Variants in OTOGL observed in about 807,000 individuals in gnomAD.
OTOGL encodes the protein otogelin-like protein.
OTOGL carries 285 observed loss-of-function variants against 318.5 expected under a neutral mutation model. That is an observed-to-expected ratio of 0.89 (90% CI 0.81 to 0.99). The LOEUF (loss-of-function observed/expected upper bound fraction) is 0.99, where lower values mean the gene tolerates loss of function less well. OTOGL is among the 50% of genes least tolerant of loss of function. OTOGL has a pLI of 0.00. For synonymous variants in OTOGL, 987 were observed against 936.5 expected, an observed-to-expected ratio of 1.05 and a Z score of -0.99; for missense variants, 2,899 against 2,845.6, an observed-to-expected ratio of 1.02 and a Z score of -0.43.
At chr12:80,324,236 G>A (rs1597597) in intron 35 of OTOGL, among the ~76,000 whole-genome samples, 69,803 of 152,120 alleles carry the variant, frequency 0.46, 17,544 homozygotes, top group African/African-American at 0.67. Flanking sequence ...GCCAATTAAT[G>A]TTGGTGGTCA....
At chr12:80,366,962 T>TA (rs1890579812) in intron 53 of OTOGL, among the ~76,000 whole-genome samples, 1 of 151,864 alleles carries the variant, frequency 6.6e-6, no homozygotes, top group Non-Finnish European at 1.5e-5. Flanking sequence ...TTATGCCCAT[T>TA]ATATTAGTAT....
Position 80,172,098 on chromosome 12 carries a change from C to T in OTOGL, c.-19-37315C>T, listed in dbSNP as rs968373425. Among the ~76,000 whole-genome samples, 9 of 152,160 alleles carry T rather than the reference C, an allele frequency of 5.9e-5. No individual in the cohort carries two copies. The Middle Eastern group carries it at 0.01, about 173-fold the overall frequency. ...TATTTTCTAATCCAATCTCCCTTTGCAATCTCATCTTTAAAGACTTTCCTT... is the reference window on the plus strand; with the variant it reads ...TATTTTCTAATCCAATCTCCCTTTGTAATCTCATCTTTAAAGACTTTCCTT... On this transcript the variant is annotated intron_variant, in intron 1 of 58. Transcript: ENST00000547103.
intron 1 of OTOGL, among the ~76,000 whole-genome samples, chr12:80,121,634 T>A (rs1035532702): frequency 6.6e-6 from 1 of 152,212 alleles, no homozygotes; most frequent in African/African-American, 2.4e-5. Context: ...GGTTTTCTAA[T>A]TGGCCAAGTA....
intron 38 of OTOGL, among the ~76,000 whole-genome samples, chr12:80,335,717 A>T (rs1390140030): frequency 1.3e-5 from 2 of 152,100 alleles, no homozygotes; most frequent in South Asian, 2.1e-4. Context: ...TTTTCTTCAG[A>T]TGTTTGAATA....
At chr12:80,251,599 C>A in intron 11 of OTOGL, 94 bp from the exon 12 acceptor site, 1 of 861,434 alleles carries the variant, frequency 1.2e-6, no homozygotes, top group Non-Finnish European at 1.8e-6. Context: ...GAGTATTCAT[C>A]ATGCACTCAG....
intron 1 of OTOGL, among the ~76,000 whole-genome samples, chr12:80,124,170 T>G (rs1020993793): frequency 2.6e-5 from 4 of 152,088 alleles, no homozygotes; most frequent in Non-Finnish European, 4.4e-5. Context: ...TATGGTTTTA[T>G]GTCTAACATT....
chr12:80,363,777 T>C (rs916034458), intron 52 of OTOGL, among the ~76,000 whole-genome samples: 2 of 152,156 alleles, frequency 1.3e-5, no homozygotes, highest in Admixed American at 6.5e-5. Flanking sequence ...CAACTTCCAA[T>C]GTAACAAGAA....
Position 80,110,709 on chromosome 12 carries a change from A to C in OTOGL, c.-20+11104A>C, listed in dbSNP as rs187755683. 8.3e-4 allele frequency among the ~76,000 whole-genome samples: 126 copies of C among 152,272 alleles called. 1 individual carries two copies. The highest frequency in any genetic ancestry group is 3.4e-3 in the Middle Eastern group (1 of 294). On this transcript the variant is annotated intron_variant, in intron 1 of 58. Transcript: ENST00000547103. ...GCTATTGTGAATAGTGCTGTGATAAACATACGTGTGCATGTGTCTTTATAG... is the reference window on the plus strand; with the variant it reads ...GCTATTGTGAATAGTGCTGTGATAACCATACGTGTGCATGTGTCTTTATAG...
chr12:80,212,642 A>G (rs893918371), intron 4 of OTOGL, among the ~76,000 whole-genome samples: 1 of 152,210 alleles, frequency 6.6e-6, no homozygotes, highest in Non-Finnish European at 1.5e-5. Flanking sequence ...ATGGTAAAAT[A>G]CAGAATCCTA....
chr12:80,343,509 G>GGTTTTTTTTTTTTTTTTTTTT lies in OTOGL; in HGVS notation c.5265+1347_5265+1348insGTTTTTTTTTTTTTTTTTTTT. 3.7e-3 allele frequency: 134 copies of GGTTTTTTTTTTTTTTTTTTTT among 35,856 alleles called. 47 individuals are homozygous for GGTTTTTTTTTTTTTTTTTTTT. The highest frequency in any genetic ancestry group is 5.2e-3 in the Non-Finnish European group (104 of 19,832). 2.2% of individuals were successfully genotyped at this position (35,856 alleles called of 1,614,324 possible). A position where few individuals can be genotyped will look rare whatever the true frequency, so the allele number is the denominator to read the frequency against. ...TACATTTTTATTATTTTTTATTCTT[G>GGTTTTTTTTTTTTTTTTTTTT]TTTTTTTTTTTTTTTTTTTTTTTTT... On this transcript the variant is annotated intron_variant, in intron 44 of 58. Coordinates refer to ENST00000547103, the MANE Select transcript of OTOGL (RefSeq NM_001378609.3).
intron 11 of OTOGL, among the ~76,000 whole-genome samples, chr12:80,249,709 G>C (rs186655551): frequency 1.5e-4 from 23 of 152,212 alleles, no homozygotes; most frequent in South Asian, 8.3e-4. Context: ...CGAGCTTCCC[G>C]GCTGCTTTGT....
chr12:80,252,562 G>A (rs1193801885), intron 13 of OTOGL, among the ~76,000 whole-genome samples: 2 of 152,146 alleles, frequency 1.3e-5, no homozygotes, highest in Non-Finnish European at 2.9e-5. Flanking sequence ...ATCTAGTACT[G>A]ATGTAGTTTT....
intron 1 of OTOGL, among the ~76,000 whole-genome samples, chr12:80,167,524 A>G (rs899609619): frequency 2.0e-5 from 3 of 152,184 alleles, no homozygotes; most frequent in Non-Finnish European, 4.4e-5. Context: ...AATAAAAGTG[A>G]GATAGATATT....
At chr12:80,216,299 C>T (rs1046965492) in intron 4 of OTOGL, among the ~76,000 whole-genome samples, 4 of 152,192 alleles carry the variant, frequency 2.6e-5, no homozygotes, top group African/African-American at 9.7e-5. Flanking sequence ...TTTTCCCATC[C>T]TTCTTATCTT....
intron 34 of OTOGL, among the ~76,000 whole-genome samples, chr12:80,323,115 C>T (rs1442426532): frequency 9.2e-6 from 1 of 109,028 alleles, no homozygotes; most frequent in African/African-American, 2.8e-5. Flanking sequence ...CACACACACA[C>T]ACACACACAC....
intron 1 of OTOGL, chr12:80,133,539 T>C (rs1325452220): frequency 6.6e-6 from 1 of 152,120 alleles, no homozygotes; most frequent in Non-Finnish European, 1.5e-5. Flanking sequence ...TCTTATCCAT[T>C]GGCCTAAGGA....
intron 28 of OTOGL, among the ~76,000 whole-genome samples, chr12:80,304,846 A>G (rs749387496): frequency 2.6e-5 from 4 of 152,194 alleles, no homozygotes; most frequent in Admixed American, 6.5e-5. Flanking sequence ...AGACATGCTG[A>G]ATGCTCTCTT....
chr12:80,189,284 T>C (rs1464846547), intron 1 of OTOGL: 1 of 331,492 alleles, frequency 3.0e-6, no homozygotes, highest in Non-Finnish European at 4.3e-6. Context: ...ATTTTGTGAA[T>C]CCCAGTTGAA....
At chr12:80,238,711 A>T in intron 9 of OTOGL, 140 bp from the exon 10 acceptor site, 1 of 1,086,954 alleles carries the variant, frequency 9.2e-7, no homozygotes, top group South Asian at 3.5e-5. Flanking sequence ...GTTATTATCT[A>T]ATATCACATT....
Sources: gnomAD v4.1 joint callset for allele counts (sites outside exome capture counted in the v4.1 genomes callset) on GRCh38, gnomAD v4.1.1 for gene constraint, MANE v1.5 for transcripts, NCBI Gene and HGNC (gene_info 2026-07-23, HGNC 2026-07-21) for gene names.